Variants in HMGCLL1 observed in about 807,000 individuals in gnomAD.
HMGCLL1 encodes the protein 3-hydroxymethyl-3-methylglutaryl-CoA lyase, cytoplasmic.
Under a neutral mutation model 39.1 loss-of-function variants are expected in HMGCLL1, and 36 were observed. That is an observed-to-expected ratio of 0.92 (90% confidence interval 0.71 to 1.22). HMGCLL1 has a LOEUF of 1.22. Among genes scored for constraint, HMGCLL1 ranks in the 50% most tolerant of loss-of-function variants. The pLI, the probability that HMGCLL1 is intolerant of heterozygous loss-of-function variation, is 0.00. For synonymous variants in HMGCLL1, 149 were observed against 144.0 expected (o/e 1.03, Z -0.25); for missense variants, 451 against 416.5 (o/e 1.08, Z -0.72).
chr6:55,619,615 A>G, the HMGCLL1 span, among the ~76,000 whole-genome samples: 4 of 152,142 alleles, frequency 2.6e-5, no homozygotes, highest in African/African-American at 9.7e-5. Context: ...AGATATTTTG[A>G]TACAGGCGTA....
At chr6:55,467,966 A>G (rs558222588) in intron 7 of HMGCLL1, among the ~76,000 whole-genome samples, 3 of 152,154 alleles carry the variant, frequency 2.0e-5, no homozygotes, top group African/African-American at 7.2e-5. Flanking sequence ...ATTATGACTT[A>G]AAAGATAAAT....
chr6:55,646,784 T>C, the HMGCLL1 span, among the ~76,000 whole-genome samples: 1 of 152,158 alleles, frequency 6.6e-6, no homozygotes, highest in East Asian at 1.9e-4. Flanking sequence ...TTTTTTTGAA[T>C]CTTTTAAGAC....
intron 1 of HMGCLL1, 38 bp from the exon 2 acceptor site, chr6:55,542,178 T>G (rs1182804912): frequency 1.5e-6 from 2 of 1,361,516 alleles, no homozygotes; most frequent in East Asian, 4.7e-5. Context: ...AACGTAACTT[T>G]TAGATTGTTA....
At chr6:55,581,379 A>G (rs1479480123), upstream of HMGCLL1, among the ~76,000 whole-genome samples, 1 of 152,110 alleles carries the variant, frequency 6.6e-6, no homozygotes, top group Non-Finnish European at 1.5e-5. Context: ...TTTAAACAAA[A>G]TTTGTACAAA....
rs1282254321 is a variant in HMGCLL1, at chr6:55,495,403, A to G, written c.795+16T>C. The G allele has an allele frequency of 1.9e-6, 3 of 1,603,960 alleles. No individual in the cohort carries two copies. The East Asian group carries it at 6.7e-5, about 36-fold the overall frequency. On this transcript the variant is annotated intron_variant, in intron 7 of 8. Coordinates refer to ENST00000274901, the MANE Select transcript of HMGCLL1 (RefSeq NM_001042406.2). Reference sequence around the variant, plus strand: ...CACCCTATGCACACACATAACACACAAAGAGTACAAAATACCTGAAGGGCC... The same window carrying G: ...CACCCTATGCACACACATAACACACGAAGAGTACAAAATACCTGAAGGGCC...
At chr6:55,581,272 G>T (rs1021379573), upstream of HMGCLL1, among the ~76,000 whole-genome samples, 1 of 152,078 alleles carries the variant, frequency 6.6e-6, no homozygotes, top group Non-Finnish European at 1.5e-5. Context: ...GTTGACCATA[G>T]TGATACGTGT....
chr6:55,461,031 T>A (rs1464177417), intron 7 of HMGCLL1, among the ~76,000 whole-genome samples: 2 of 151,914 alleles, frequency 1.3e-5, no homozygotes, highest in Admixed American at 1.3e-4. Context: ...GCCCTTAGGG[T>A]GCTGCTACAG....
At chr6:55,493,512 G>A (rs149049917) in intron 7 of HMGCLL1, among the ~76,000 whole-genome samples, 296 of 152,228 alleles carry the variant, frequency 1.9e-3, no homozygotes, top group African/African-American at 6.8e-3. Flanking sequence ...TAGAGACAAT[G>A]CAATTCAACC....
chr6:55,652,347 A>AATCTGGTAGAC, the HMGCLL1 span, among the ~76,000 whole-genome samples: 10,386 of 152,034 alleles, frequency 0.068, 488 homozygotes, highest in Non-Finnish European at 0.11. Flanking sequence ...ACTCTTTAAA[A>AATCTGGTAGAC]ATCTGGTAGA....
At chr6:55,463,778 T>G (rs1030015152) in intron 7 of HMGCLL1, among the ~76,000 whole-genome samples, 1 of 152,228 alleles carries the variant, frequency 6.6e-6, no homozygotes. Flanking sequence ...TCCGTTTTTC[T>G]GCTCCACGTA....
chr6:55,516,536 G>A lies in HMGCLL1; in HGVS notation c.365C>T (p.Thr122Ile). 1 of 1,599,452 alleles carries A rather than the reference G, an allele frequency of 6.3e-7. No individual in the cohort carries two copies. The highest frequency in any genetic ancestry group is 8.5e-7 in the Non-Finnish European group (1 of 1,170,112). The stretch of plus-strand genomic sequence containing the variant: ...ATGGTGAAAACCCTGAAGATTAGGA[G>A]TAAGGACAGGATAGCGAACTCCTGG... Reference protein sequence around the residue: ...QYPGVRYPVLTPNLQGFHHAV... With the variant: ...QYPGVRYPVLIPNLQGFHHAV... Residue 122 changes from threonine (T) to isoleucine (I), a missense_variant, in exon 4 of 9, where the codon ACT becomes ATT. Coordinates refer to ENST00000274901, the MANE Select transcript of HMGCLL1 (RefSeq NM_001042406.2).
the HMGCLL1 span, among the ~76,000 whole-genome samples, chr6:55,638,842 T>C: frequency 6.6e-6 from 1 of 151,914 alleles, no homozygotes; most frequent in Non-Finnish European, 1.5e-5. Flanking sequence ...TTAAGATAAA[T>C]AAAAAATGGA....
At chr6:55,571,047 A>G (rs1771460508) in intron 1 of HMGCLL1, among the ~76,000 whole-genome samples, 3 of 152,186 alleles carry the variant, frequency 2.0e-5, no homozygotes, top group Admixed American at 2.0e-4. Flanking sequence ...CTATGATTCA[A>G]TTATCTCCCA....
the HMGCLL1 span, among the ~76,000 whole-genome samples, chr6:55,642,525 G>C: frequency 6.6e-6 from 1 of 152,034 alleles, no homozygotes; most frequent in Non-Finnish European, 1.5e-5. Context: ...TTTGAAACCA[G>C]CATGCAATGC....
At chr6:55,481,820 A>G (rs575823628) in intron 7 of HMGCLL1, among the ~76,000 whole-genome samples, 1 of 152,070 alleles carries the variant, frequency 6.6e-6, no homozygotes, top group Non-Finnish European at 1.5e-5. Context: ...CTATCTACCT[A>G]CCTATCTATT....
At chr6:55,633,140 A>G in the HMGCLL1 span, among the ~76,000 whole-genome samples, 1 of 152,078 alleles carries the variant, frequency 6.6e-6, no homozygotes, top group Non-Finnish European at 1.5e-5. Flanking sequence ...CAAGTGACTC[A>G]CTAGCCCACA....
the HMGCLL1 span, among the ~76,000 whole-genome samples, chr6:55,614,750 A>G: frequency 6.6e-6 from 1 of 152,122 alleles, no homozygotes; most frequent in Non-Finnish European, 1.5e-5. Flanking sequence ...ATAACTTTCT[A>G]GCATTTAATC....
intron 7 of HMGCLL1, among the ~76,000 whole-genome samples, chr6:55,488,888 A>G (rs1218955002): frequency 2.0e-5 from 3 of 152,112 alleles, no homozygotes; most frequent in Non-Finnish European, 4.4e-5. Context: ...AAAGCTGTTC[A>G]ACTAAAAAGC....
chr6:55,546,432 G>T (rs919486795), intron 1 of HMGCLL1, among the ~76,000 whole-genome samples: 1 of 151,966 alleles, frequency 6.6e-6, no homozygotes, highest in Non-Finnish European at 1.5e-5. Flanking sequence ...TACATAATAA[G>T]CACTTGATCA....
Sources: allele counts gnomAD v4.1 joint callset (sites outside exome capture counted in the v4.1 genomes callset), GRCh38; gene constraint gnomAD v4.1.1; transcripts MANE v1.5; gene names NCBI Gene and HGNC (gene_info 2026-07-23, HGNC 2026-07-21).